Variants in LDAH observed in about 807,000 individuals in gnomAD.
The protein encoded by LDAH is lipid droplet-associated hydrolase.
Under a neutral mutation model 29.6 loss-of-function variants are expected in LDAH, and 26 were observed. The ratio of observed to expected loss-of-function variants is 0.88; its 90% CI spans 0.64 to 1.22. LDAH has a LOEUF of 1.22. Among genes scored for constraint, LDAH ranks in the 50% most tolerant of loss-of-function variants. LDAH has a pLI of 0.00. For missense variants in LDAH, 344 were observed against 387.3 expected (o/e 0.89, Z 0.94); for synonymous variants, 117 against 133.0 (o/e 0.88, Z 0.83).
chr2:20,749,607 G>A (rs141004761), intron 4 of LDAH, among the ~76,000 whole-genome samples: 18 of 152,306 alleles, frequency 1.2e-4, no homozygotes, highest in East Asian at 7.7e-4. Flanking sequence ...CACTCTCAGC[G>A]TCTAGGAAGT....
intron 3 of LDAH, among the ~76,000 whole-genome samples, chr2:20,787,182 CA>C (rs1670613484): frequency 6.6e-6 from 1 of 152,226 alleles, no homozygotes; most frequent in South Asian, 2.1e-4. Flanking sequence ...CTACAATCTT[CA>C]TTGTATTTCC....
chr2:20,686,766 A>G lies in LDAH; in HGVS notation c.*137T>C. On this transcript the variant is annotated 3_prime_UTR_variant, in exon 7 of 7. Coordinates refer to ENST00000237822, the MANE Select transcript of LDAH (RefSeq NM_021925.4). ...CTTCAGCCTATAACATGGCGAGCGG[A>G]GAGTTGGTTTGTAAGACAAAGGTTC... 1.4e-6 allele frequency: 1 copy of G among 721,864 alleles called. No individual in the cohort carries two copies. The highest frequency in any genetic ancestry group is 2.3e-6 in the Non-Finnish European group (1 of 442,296). 44.7% of individuals were successfully genotyped at this position (721,864 alleles called of 1,614,324 possible). A position where few individuals can be genotyped will look rare whatever the true frequency, so the allele number is the denominator to read the frequency against.
chr2:20,686,812 A>T lies in LDAH; in HGVS notation c.*91T>A. ...GGTTCTCACTTTCTTCATTTCTAAT[A>T]TCAGTCTTCAAAATTAAACATTTAC... On this transcript the variant is annotated 3_prime_UTR_variant, in exon 7 of 7. Transcript: ENST00000237822. The T allele has an allele frequency of 8.6e-7, 1 of 1,169,280 alleles. No individual in the cohort carries two copies. The highest frequency in any genetic ancestry group is 1.2e-6 in the Non-Finnish European group (1 of 824,278). 72.4% of individuals were successfully genotyped at this position (1,169,280 alleles called of 1,614,324 possible). A position where few individuals can be genotyped will look rare whatever the true frequency, so the allele number is the denominator to read the frequency against.
chr2:20,711,034 A>C (rs954993682), intron 5 of LDAH, among the ~76,000 whole-genome samples: 10 of 152,108 alleles, frequency 6.6e-5, no homozygotes, highest in Admixed American at 3.9e-4. Flanking sequence ...GATTTGGAGC[A>C]CTAGAAGGAT....
At chr2:20,683,016 G>A (rs1212730366), downstream of LDAH, among the ~76,000 whole-genome samples, 1 of 151,876 alleles carries the variant, frequency 6.6e-6, no homozygotes, top group African/African-American at 2.4e-5. Context: ...AGGACTAGGG[G>A]CAACCTCATC....
intron 5 of LDAH, among the ~76,000 whole-genome samples, chr2:20,702,538 C>T (rs1256013577): frequency 6.6e-6 from 1 of 152,148 alleles, no homozygotes; most frequent in Non-Finnish European, 1.5e-5. Flanking sequence ...TTTATATACC[C>T]TACGCTTTCT....
chr2:20,697,845 C>T (rs530035331), intron 6 of LDAH, among the ~76,000 whole-genome samples: 3 of 152,294 alleles, frequency 2.0e-5, no homozygotes, highest in African/African-American at 7.2e-5. Context: ...ATTAGGAATA[C>T]AGGCAACAAG....
intron 5 of LDAH, among the ~76,000 whole-genome samples, chr2:20,732,314 C>T (rs1026434096): frequency 1.3e-5 from 2 of 151,988 alleles, no homozygotes; most frequent in Non-Finnish European, 2.9e-5. Flanking sequence ...ATGTTTGTCT[C>T]TATACTCATA....
chr2:20,730,062 T>C (rs1277244732), intron 5 of LDAH, among the ~76,000 whole-genome samples: 2 of 152,210 alleles, frequency 1.3e-5, no homozygotes, highest in African/African-American at 2.4e-5. Flanking sequence ...AATCACGCAG[T>C]ATGTAAACCT....
chr2:20,772,535 T>G (rs1669504299), intron 4 of LDAH, among the ~76,000 whole-genome samples: 1 of 152,226 alleles, frequency 6.6e-6, no homozygotes, highest in South Asian at 2.1e-4. Flanking sequence ...TATGCAGCTC[T>G]GAGGCAGCTC....
At chr2:20,761,011 T>C (rs1668649155) in intron 4 of LDAH, among the ~76,000 whole-genome samples, 1 of 152,218 alleles carries the variant, frequency 6.6e-6, no homozygotes, top group African/African-American at 2.4e-5. Context: ...CTATCCAATT[T>C]AAGAAATCTT....
In LDAH at chr2:20,772,926, A is replaced by G. The variant is rs143248939; in HGVS notation, c.468+1884T>C. ...TCAGATAAAACTGTAGCCCTGGAAG[A>G]CATGTTGGTTAAAATCTTGGGAGAG... On this transcript the variant is annotated intron_variant, in intron 4 of 6. Transcript: ENST00000237822. 1.3e-4 allele frequency among the ~76,000 whole-genome samples: 20 copies of G among 152,328 alleles called. No homozygotes were observed. The East Asian group carries it at 3.1e-3, about 24-fold the overall frequency.
chr2:20,778,384 C>T (rs886446815), intron 3 of LDAH, among the ~76,000 whole-genome samples: 2 of 152,184 alleles, frequency 1.3e-5, no homozygotes, highest in African/African-American at 4.8e-5. Context: ...CAGTACTTCG[C>T]ATTAACTTTT....
chr2:20,783,859 G>A (rs982497151), intron 3 of LDAH, among the ~76,000 whole-genome samples: 6 of 152,070 alleles, frequency 3.9e-5, no homozygotes, highest in African/African-American at 7.2e-5. Flanking sequence ...CCACAGGTGC[G>A]TGCCAGCACG....
intron 6 of LDAH, among the ~76,000 whole-genome samples, chr2:20,700,089 C>A (rs1663812208): frequency 6.6e-6 from 1 of 152,214 alleles, no homozygotes; most frequent in Non-Finnish European, 1.5e-5. Context: ...AACTCCCAAC[C>A]TGGAAGAACT....
chr2:20,692,039 A>G (rs340598), intron 6 of LDAH, among the ~76,000 whole-genome samples: 73,964 of 151,960 alleles, frequency 0.49, 18,293 homozygotes, highest in African/African-American at 0.58. Flanking sequence ...GTCTACAAAC[A>G]GCACTGTTGG....
At chr2:20,695,975 C>T (rs181912246) in intron 6 of LDAH, among the ~76,000 whole-genome samples, 28 of 152,292 alleles carry the variant, frequency 1.8e-4, no homozygotes, top group African/African-American at 6.3e-4. Context: ...CCTCAGTCAC[C>T]AGGCTCCACT....
chr2:20,713,794 G>A (rs535256482), intron 5 of LDAH, among the ~76,000 whole-genome samples: 4 of 152,082 alleles, frequency 2.6e-5, no homozygotes, highest in South Asian at 4.2e-4. Flanking sequence ...AGGCCATTAC[G>A]TAACGGTAAA....
chr2:20,813,857 T>G (rs1672667577), intron 1 of LDAH, among the ~76,000 whole-genome samples: 1 of 152,196 alleles, frequency 6.6e-6, no homozygotes, highest in Non-Finnish European at 1.5e-5. Context: ...TTAGACTATC[T>G]TTTCTGTAAA....
Sources: allele counts gnomAD v4.1 joint callset (sites outside exome capture counted in the v4.1 genomes callset), GRCh38; gene constraint gnomAD v4.1.1; transcripts MANE v1.5; gene names NCBI Gene and HGNC (gene_info 2026-07-23, HGNC 2026-07-21).